The following MTERF4 variants were observed in gnomAD, a reference collection of about 807,000 sequenced individuals.
The protein encoded by MTERF4 is transcription termination factor 4, mitochondrial.
Under a neutral mutation model 22.5 loss-of-function variants are expected in MTERF4, and 17 were observed. The ratio of observed to expected loss-of-function variants is 0.75; its 90% CI spans 0.52 to 1.13. MTERF4 has a LOEUF of 1.13. Ranked by LOEUF, MTERF4 falls within the 50% of genes most tolerant of loss-of-function variation. MTERF4 has a pLI of 0.00. For synonymous variants in MTERF4, 165 were observed against 175.3 expected, an observed-to-expected ratio of 0.94 and a Z score of 0.47; for missense variants, 420 against 466.8, an observed-to-expected ratio of 0.90 and a Z score of 0.92.
In MTERF4 at chr2:241,099,530, G is replaced by A. The variant is rs377505682; in HGVS notation, c.386C>T (p.Ser129Leu). 1.4e-5 allele frequency: 23 copies of A among 1,614,180 alleles called. No individual in the cohort carries two copies. Among genetic ancestry groups the A allele is most frequent in the Non-Finnish European group, 1.7e-5 (20 of 1,180,036 alleles). ...ATTCAGACCCAAGAGAATAAATTCTGAAATGATGTCCAGCAACTGTTGAAG... is the reference window on the plus strand; with the variant it reads ...ATTCAGACCCAAGAGAATAAATTCTAAAATGATGTCCAGCAACTGTTGAAG... ...ASLQQLLDII[S>L]EFILLGLNPE... The change falls in exon 2 of 4, where the codon TCA becomes TTA. Residue 129 changes from serine (S) to leucine (L), a missense_variant. Transcript: ENST00000391980.
At chr2:241,053,749 G>A in the MTERF4 span, among the ~76,000 whole-genome samples, 2 of 152,334 alleles carry the variant, frequency 1.3e-5, no homozygotes, top group African/African-American at 2.4e-5. Flanking sequence ...CATTTGAGGA[G>A]TGCTGCTCCA....
chr2:241,087,660 A>T, downstream of MTERF4: 9 of 1,393,138 alleles, frequency 6.5e-6, no homozygotes, highest in Non-Finnish European at 8.4e-6. Context: ...TGTGCATGTG[A>T]GCATACCCAG....
rs1164389745 is a variant in MTERF4 at position 241,097,362 on chromosome 2, C to T, written c.586G>A (p.Asp196Asn). Residue 196 changes from aspartate (D) to asparagine (N), a missense_variant, in exon 3 of 4, where the codon GAC (aspartate) becomes AAC (asparagine). Physicochemically the swap from Asp to Asn is conservative, Grantham distance 23. Coordinates refer to ENST00000391980, the MANE Select transcript of MTERF4 (RefSeq NM_182501.4). ...TTCTCCTTGAGAAGCCTGACAGTGT[C>T]GTTAATGTCCTGCTGGCGCATGGTG... ...IFTMRQQDIN[D>N]TVRLLKEKCL... is the part of the protein sequence containing the mutation. The T allele has an allele frequency of 3.9e-5, 63 of 1,614,050 alleles. No individual in the cohort carries two copies. Among genetic ancestry groups the T allele is most frequent in the African/African-American group, 6.7e-5 (5 of 74,920 alleles).
At chr2:241,083,279 A>G (rs945733786), downstream of MTERF4, among the ~76,000 whole-genome samples, 1 of 152,074 alleles carries the variant, frequency 6.6e-6, no homozygotes, top group Non-Finnish European at 1.5e-5. Context: ...CCAAGTCAGG[A>G]GTGTCCCTGG....
In MTERF4 at chr2:241,096,788, C is replaced by T; in HGVS notation, c.706-350G>A. On this transcript the variant is annotated intron_variant, in intron 3 of 3. Coordinates refer to ENST00000391980, the MANE Select transcript of MTERF4 (RefSeq NM_182501.4). This position sits in a 1 kb window ranked among gnomAD's most constrained non-coding sequence, Gnocchi z 5.1. ...TTCAGAAAACATCTAGAAATTCGAC[C>T]TAAGTTGTCATAATTATTACCAAAA... 1.9e-6 allele frequency: 1 copy of T among 520,770 alleles called. No individual in the cohort carries two copies. Among genetic ancestry groups the T allele is most frequent in the Non-Finnish European group, 3.6e-6 (1 of 281,154 alleles). 32.3% of individuals were successfully genotyped at this position (520,770 alleles called of 1,614,324 possible). A position where few individuals can be genotyped will look rare whatever the true frequency, so the allele number is the denominator to read the frequency against.
At chr2:241,087,451 C>T (rs751218942), downstream of MTERF4, 4 of 1,601,962 alleles carry the variant, frequency 2.5e-6, no homozygotes, top group Non-Finnish European at 8.5e-7. Flanking sequence ...TGTGAAAGCA[C>T]AAGCCTCAAG....
the MTERF4 span, chr2:241,064,125 G>C: frequency 1.3e-6 from 2 of 1,550,794 alleles, no homozygotes; most frequent in Non-Finnish European, 1.7e-6. The surrounding 1 kb of genome is among the most constrained non-coding windows in gnomAD (Gnocchi z 7.0). Flanking sequence ...CTGCGAGACA[G>C]GTAGGGCGGC....
Position 241,096,082 on chromosome 2 carries a change from ATCCTCATCATTGTCC to A in MTERF4, c.1047_1061del (p.Glu349_Glu353del), listed in dbSNP as rs777198407. The A allele has an allele frequency of 6.8e-6, 11 of 1,611,684 alleles. No homozygotes were observed. Among genetic ancestry groups the A allele is most frequent in the Non-Finnish European group, 9.3e-6 (11 of 1,179,142 alleles). ...CATCATCGTCATCCTCATCATTGTC[ATCCTCATCATTGTCC>A]TCCTCATCATCGTCATCCTCATCCT... On this transcript the variant is annotated inframe_deletion, in exon 4 of 4. Transcript: ENST00000391980. The surrounding 1 kb of genome is among the most constrained non-coding windows in gnomAD (Gnocchi z 5.1).
the MTERF4 span, among the ~76,000 whole-genome samples, chr2:241,048,058 C>A: frequency 8.2e-6 from 1 of 122,286 alleles, no homozygotes. Context: ...GTGGTCTCTC[C>A]GGTGCTTCTT....
At position 241,099,408 on chromosome 2, in the gene MTERF4, C is replaced by A; in HGVS notation, c.508G>T (p.Gly170Trp). ...CAACTTCTTGTACCTTCTCCAAGCC[C>A]AAGCTTTTGCAGGTAACTGGAGCGC... ...RKRSSYLQKL[G>W]LGEGKLKRVL... is the part of the protein sequence containing the mutation. The change falls in exon 2 of 4, where the codon GGG (glycine) becomes TGG (tryptophan). Residue 170 changes from glycine (G) to tryptophan (W), a missense_variant. Transcript: ENST00000391980. 6.2e-7 allele frequency: 1 copy of A among 1,612,986 alleles called. No individual in the cohort carries two copies.
At chr2:241,058,635 A>G in the MTERF4 span, among the ~76,000 whole-genome samples, 3 of 152,214 alleles carry the variant, frequency 2.0e-5, no homozygotes, top group Non-Finnish European at 2.9e-5. Flanking sequence ...CAATGAAACC[A>G]AAAGCTATTT....
At chr2:241,082,350 C>A (rs762160226), downstream of MTERF4, 1 of 1,613,150 alleles carries the variant, frequency 6.2e-7, no homozygotes, top group African/African-American at 1.3e-5. Context: ...GGGAGGGAGG[C>A]GTCTGTCACC....
At chr2:241,066,755 G>A in the MTERF4 span, among the ~76,000 whole-genome samples, 1 of 152,164 alleles carries the variant, frequency 6.6e-6, no homozygotes, top group Non-Finnish European at 1.5e-5. Flanking sequence ...GAGGAGCTCG[G>A]CGGTTCTCAC....
chr2:241,090,481 G>A (rs748137967), downstream of MTERF4: 15 of 1,507,578 alleles, frequency 9.9e-6, no homozygotes, highest in African/African-American at 5.5e-5. Flanking sequence ...TAGTAAATAC[G>A]TAAACCAGTA....
the MTERF4 span, among the ~76,000 whole-genome samples, chr2:241,058,795 A>G: frequency 1.3e-5 from 2 of 152,074 alleles, no homozygotes; most frequent in African/African-American, 4.8e-5. Flanking sequence ...CTAAAAATAC[A>G]AAAAATTAGC....
chr2:241,065,195 G>T, the MTERF4 span: 1 of 1,216,602 alleles, frequency 8.2e-7, no homozygotes, highest in Non-Finnish European at 1.2e-6. Flanking sequence ...CGATGGCTGT[G>T]TCAGGCCCAA....
downstream of MTERF4, chr2:241,082,219 G>A: frequency 2.1e-6 from 3 of 1,421,276 alleles, no homozygotes; most frequent in Non-Finnish European, 3.0e-6. Flanking sequence ...GGCCTCTCAA[G>A]AGGGGCAGGA....
the MTERF4 span, among the ~76,000 whole-genome samples, chr2:241,056,662 T>G: frequency 7.0e-5 from 10 of 141,956 alleles, no homozygotes; most frequent in African/African-American, 1.6e-4. Context: ...CTCACTGCAA[T>G]CTCCGCCTCC....
chr2:241,102,051 C>CAA (rs10650274), intron 1 of MTERF4: 170,443 of 538,064 alleles, frequency 0.32, 7,673 homozygotes, highest in Middle Eastern at 0.38. Context: ...GACTTTGTCT[C>CAA]AAAAAAAAAA....
Sources: allele counts gnomAD v4.1 joint callset (sites outside exome capture counted in the v4.1 genomes callset), GRCh38; gene constraint gnomAD v4.1.1; non-coding constraint Gnocchi (gnomAD v3.1); transcripts MANE v1.5; gene names NCBI Gene and HGNC (gene_info 2026-07-23, HGNC 2026-07-21).